Variants in EMC7 observed in about 807,000 individuals in gnomAD.
The protein encoded by EMC7 is endoplasmic reticulum membrane protein complex subunit 7.
In EMC7, 4 loss-of-function variants were observed where a neutral mutation model predicts 24.4. The ratio of observed to expected loss-of-function variants is 0.16; its 90% CI spans 0.08 to 0.38. EMC7 has a LOEUF of 0.38. Ranked by LOEUF, EMC7 falls within the 10% of genes least tolerant of loss-of-function variation. The pLI is 1.00. For synonymous variants in EMC7, 106 were observed against 112.0 expected, an observed-to-expected ratio of 0.95 and a Z score of 0.34; for missense variants, 221 against 300.6, an observed-to-expected ratio of 0.74 and a Z score of 1.96.
chr15:34,099,933 AG>A (rs1304922462), intron 1 of EMC7, among the ~76,000 whole-genome samples: 6 of 152,238 alleles, frequency 3.9e-5, no homozygotes, highest in Non-Finnish European at 5.9e-5. Flanking sequence ...ATACAAATAA[AG>A]AACATGAAAT....
chr15:34,101,485 G>A (rs1362721100), intron 1 of EMC7, 119 bp downstream of exon 1: 11 of 1,055,364 alleles, frequency 1.0e-5, no homozygotes, highest in South Asian at 1.5e-5. Context: ...ACCGTTAGCG[G>A]CACCCTCCCC....
chr15:34,090,552 C>T (rs1473488284), intron 2 of EMC7, 97 bp from the exon 3 acceptor site: 3 of 1,290,170 alleles, frequency 2.3e-6, no homozygotes, highest in Non-Finnish European at 2.0e-6. Context: ...CTTATACACA[C>T]TTTCAGCTTT....
intron 1 of EMC7, among the ~76,000 whole-genome samples, chr15:34,098,770 T>C (rs1024551183): frequency 6.6e-6 from 1 of 151,708 alleles, no homozygotes; most frequent in Non-Finnish European, 1.5e-5. Context: ...TACCCAGCCC[T>C]GACTCAACCA....
intron 3 of EMC7, among the ~76,000 whole-genome samples, chr15:34,088,816 T>A (rs1245952423): frequency 4.6e-5 from 7 of 152,152 alleles, no homozygotes. Context: ...TAAATAGCTA[T>A]CAGCAAGGAT....
intron 1 of EMC7, among the ~76,000 whole-genome samples, chr15:34,096,974 A>G (rs1439317653): frequency 6.9e-6 from 1 of 144,290 alleles, no homozygotes; most frequent in Non-Finnish European, 1.6e-5. Context: ...TCCATCTCCA[A>G]CAAAAAAAAA....
intron 4 of EMC7, 85 bp downstream of exon 4, chr15:34,087,968 T>C (rs1900914335): frequency 2.5e-6 from 3 of 1,199,902 alleles, no homozygotes; most frequent in Non-Finnish European, 3.5e-6. Context: ...CCACTCAAAC[T>C]GATTGTGCCA....
At chr15:34,098,425 A>G (rs184370363) in intron 1 of EMC7, among the ~76,000 whole-genome samples, 68 of 150,632 alleles carry the variant, frequency 4.5e-4, no homozygotes, top group Non-Finnish European at 8.3e-4. Context: ...CTACTTCTTA[A>G]TGGGACCCTG....
intron 4 of EMC7, among the ~76,000 whole-genome samples, chr15:34,087,662 T>C (rs1462197040): frequency 6.6e-6 from 1 of 152,212 alleles, no homozygotes; most frequent in Admixed American, 6.5e-5. Flanking sequence ...TAAGATGTTT[T>C]AGCTACATAA....
chr15:34,088,168 C>T, intron 3 of EMC7, 35 bp from the exon 4 acceptor site: 1 of 1,564,102 alleles, frequency 6.4e-7, no homozygotes, highest in Non-Finnish European at 8.7e-7. Context: ...ATGTTTTTCC[C>T]CCACTTTACA....
chr15:34,084,223 T>A lies in EMC7; in HGVS notation c.*111A>T. 1 of 1,333,606 alleles carries A rather than the reference T, an allele frequency of 7.5e-7. No homozygotes were observed. Among genetic ancestry groups the A allele is most frequent in the Non-Finnish European group, 1.0e-6 (1 of 978,694 alleles). The allele number at this position is 1,333,606 out of a possible 1,614,324, so 82.6% of individuals were successfully genotyped here. ...AGTTAACATACACAGTTGTAAGAGA[T>A]CAACGTCGGGATGACTCAAGTTTAT... On this transcript the variant is annotated 3_prime_UTR_variant, in exon 5 of 5. Transcript: ENST00000256545.
At chr15:34,089,847 T>C (rs544652180) in intron 3 of EMC7, among the ~76,000 whole-genome samples, 5 of 152,248 alleles carry the variant, frequency 3.3e-5, no homozygotes, top group East Asian at 1.9e-4. Flanking sequence ...TCCCAGCTAC[T>C]TGGGAGGCTG....
chr15:34,096,069 TTA>T, intron 1 of EMC7, 55 bp from the exon 2 acceptor site: 1 of 1,423,952 alleles, frequency 7.0e-7, no homozygotes, highest in South Asian at 1.7e-5. Flanking sequence ...TAGTCTTTTC[TTA>T]CTTGCTAATT....
At chr15:34,101,391 G>A (rs1210376216) in intron 1 of EMC7, among the ~76,000 whole-genome samples, 1 of 152,126 alleles carries the variant, frequency 6.6e-6, no homozygotes, top group Non-Finnish European at 1.5e-5. Flanking sequence ...ATGGCAGGGG[G>A]TGAGCGCCTG....
intron 1 of EMC7, among the ~76,000 whole-genome samples, chr15:34,096,834 A>C (rs1295343383): frequency 6.6e-6 from 1 of 151,752 alleles, no homozygotes; most frequent in African/African-American, 2.4e-5. Flanking sequence ...CTAAAAATAC[A>C]AAATTAGCCA....
chr15:34,089,817 G>A (rs1049200652), intron 3 of EMC7, among the ~76,000 whole-genome samples: 5 of 152,296 alleles, frequency 3.3e-5, no homozygotes, highest in South Asian at 2.1e-4. Flanking sequence ...TTAGCCGGGC[G>A]TGGTGGCACA....
chr15:34,094,290 C>T (rs148465541), intron 2 of EMC7, among the ~76,000 whole-genome samples: 3,376 of 151,824 alleles, frequency 0.022, 139 homozygotes, highest in African/African-American at 0.077. Context: ...ACCTGTAATC[C>T]CAGGACTTTG....
chr15:34,099,978 A>G (rs1158308894), intron 1 of EMC7, among the ~76,000 whole-genome samples: 2 of 152,244 alleles, frequency 1.3e-5, no homozygotes, highest in East Asian at 1.9e-4. Context: ...ATTAAGTGAA[A>G]AAGGCAGGAT....
At chr15:34,089,952 G>A (rs928694098) in intron 3 of EMC7, among the ~76,000 whole-genome samples, 9 of 152,046 alleles carry the variant, frequency 5.9e-5, no homozygotes, top group African/African-American at 1.4e-4. Flanking sequence ...GCGAAACCCC[G>A]TCTAAAAAAA....
At chr15:34,099,211 T>C (rs1485765630) in intron 1 of EMC7, among the ~76,000 whole-genome samples, 3 of 152,068 alleles carry the variant, frequency 2.0e-5, no homozygotes, top group Non-Finnish European at 1.5e-5. Flanking sequence ...AAAAAATTAA[T>C]GAGGTACACA....
Sources: allele counts gnomAD v4.1 joint callset (sites outside exome capture counted in the v4.1 genomes callset), GRCh38; gene constraint gnomAD v4.1.1; transcripts MANE v1.5; gene names NCBI Gene and HGNC (gene_info 2026-07-23, HGNC 2026-07-21).